SEL1L3: variants seen among roughly 807,000 people sequenced by gnomAD.
SEL1L3 encodes protein sel-1 homolog 3.
In SEL1L3, 76 loss-of-function variants were observed where a neutral mutation model predicts 142.8. The observed-to-expected ratio is 0.53, with a 90% CI of 0.44 to 0.64. The LOEUF is 0.64. Ranked by LOEUF, SEL1L3 falls within the 30% of genes least tolerant of loss-of-function variation. The pLI is 0.00. For missense variants in SEL1L3, 1,262 were observed against 1,381.7 expected, an observed-to-expected ratio of 0.91 and a Z score of 1.37; for synonymous variants, 504 against 519.6, an observed-to-expected ratio of 0.97 and a Z score of 0.41.
intron 9 of SEL1L3, among the ~76,000 whole-genome samples, chr4:25,811,225 G>GA (rs1342513544): frequency 6.6e-6 from 1 of 152,204 alleles, no homozygotes; most frequent in African/African-American, 2.4e-5. Context: ...ATGAAAGCAA[G>GA]AACTATGACG....
chr4:25,795,656 T>C (rs1712685041), intron 11 of SEL1L3, among the ~76,000 whole-genome samples: 1 of 152,108 alleles, frequency 6.6e-6, no homozygotes, highest in Admixed American at 6.5e-5. Flanking sequence ...ACCCAGGACC[T>C]GGACCCAGGC....
At position 25,782,248 on chromosome 4, in the gene SEL1L3, C is replaced by G. The variant is rs1425698073; in HGVS notation, c.2451G>C (p.Arg817Ser). 1.9e-6 allele frequency: 3 copies of G among 1,613,244 alleles called. No individual in the cohort carries two copies. The Admixed American group carries it at 5.0e-5, about 27-fold the overall frequency. The change falls in exon 15 of 24, where the codon AGG (arginine) becomes AGC (serine). Residue 817 changes from arginine (R) to serine (S), a missense_variant. By Grantham distance (110) the Arg-to-Ser change is moderately radical (BLOSUM62 -1). Transcript: ENST00000399878. ...LDGIFPGVPG[R>S]NQTLAGEYFH... Reference sequence around the variant, plus strand: ...GGTCTCAAGTCCTACTCACTTGATTCCTTCCAGGAACTCCAGGGAAGATGC... The same window carrying G: ...GGTCTCAAGTCCTACTCACTTGATTGCTTCCAGGAACTCCAGGGAAGATGC...
intron 23 of SEL1L3, among the ~76,000 whole-genome samples, chr4:25,754,295 T>C (rs1324761472): frequency 1.3e-5 from 2 of 150,638 alleles, no homozygotes; most frequent in African/African-American, 4.9e-5. Flanking sequence ...AGAGCGAAAG[T>C]CAATCTCAAA....
At chr4:25,810,170 A>G (rs1319918767) in intron 9 of SEL1L3, among the ~76,000 whole-genome samples, 1 of 152,140 alleles carries the variant, frequency 6.6e-6, no homozygotes, top group African/African-American at 2.4e-5. Context: ...ACAGGCACCA[A>G]CTCCCTTGGT....
chr4:25,805,913 TGTTAA>T (rs979899812), intron 9 of SEL1L3, among the ~76,000 whole-genome samples: 9 of 152,358 alleles, frequency 5.9e-5, no homozygotes, highest in African/African-American at 2.2e-4. Flanking sequence ...TTGATGTAAA[TGTTAA>T]GTTAAATGTC....
At chr4:25,784,739 T>C (rs1325678749) in intron 13 of SEL1L3, among the ~76,000 whole-genome samples, 1 of 152,232 alleles carries the variant, frequency 6.6e-6, no homozygotes, top group Admixed American at 6.5e-5. Context: ...GGTGGAACAT[T>C]GTTGCTTCAG....
chr4:25,761,534 T>C (rs1015878804), intron 20 of SEL1L3, among the ~76,000 whole-genome samples: 1 of 152,172 alleles, frequency 6.6e-6, no homozygotes, highest in African/African-American at 2.4e-5. Context: ...AGTAGGGGAA[T>C]AGTCGTATGC....
Position 25,788,435 on chromosome 4 carries a change from G to GGA in SEL1L3, c.2077-73_2077-72dup, listed in dbSNP as rs1233335767. 1 of 1,513,254 alleles carries GGA rather than the reference G, an allele frequency of 6.6e-7. No homozygotes were observed. The highest frequency in any genetic ancestry group is 1.4e-5 in the African/African-American group (1 of 72,702). 93.7% of individuals were successfully genotyped at this position (1,513,254 alleles called of 1,614,324 possible). ...GCTTAACACAAGATTTTGAAAGGTGGGAGAGCAAACCTACTTTACGATGTT... is the reference window on the plus strand; with the variant it reads ...GCTTAACACAAGATTTTGAAAGGTGGGAGAGAGCAAACCTACTTTACGATGTT... On this transcript the variant is annotated intron_variant, in intron 12 of 23. Transcript: ENST00000399878. The surrounding 1 kb of genome is among the most constrained non-coding windows in gnomAD (Gnocchi z 5.3).
the SEL1L3 span, among the ~76,000 whole-genome samples, chr4:25,722,341 G>T: frequency 6.6e-6 from 1 of 152,106 alleles, no homozygotes; most frequent in Non-Finnish European, 1.5e-5. Flanking sequence ...AGGCAGAAAA[G>T]GGGAGAGTAA....
the SEL1L3 span, among the ~76,000 whole-genome samples, chr4:25,737,410 T>A: frequency 6.6e-6 from 1 of 152,228 alleles, no homozygotes; most frequent in African/African-American, 2.4e-5. Context: ...GTGGCTGCCA[T>A]CTTGCTGTGT....
At chr4:25,746,155 A>T (rs898054231), downstream of SEL1L3, among the ~76,000 whole-genome samples, 33 of 152,190 alleles carry the variant, frequency 2.2e-4, no homozygotes, top group African/African-American at 7.0e-4. Context: ...TGTCCTCATG[A>T]TAGTGAGCTC....
At chr4:25,742,577 T>C (rs1213667758), downstream of SEL1L3, among the ~76,000 whole-genome samples, 1 of 152,204 alleles carries the variant, frequency 6.6e-6, no homozygotes, top group Non-Finnish European at 1.5e-5. Context: ...ATGATAGGCG[T>C]GAGCCACCGC....
chr4:25,810,938 A>T (rs1330792360), intron 9 of SEL1L3, among the ~76,000 whole-genome samples: 1 of 152,224 alleles, frequency 6.6e-6, no homozygotes, highest in Non-Finnish European at 1.5e-5. Flanking sequence ...GGGTCCTGTT[A>T]TACATCAGAG....
intron 2 of SEL1L3, 84 bp downstream of exon 2, chr4:25,847,210 G>C: frequency 2.6e-6 from 3 of 1,160,948 alleles, no homozygotes; most frequent in Non-Finnish European, 3.7e-6. Context: ...TTCGCTAATA[G>C]AAGAATTTTC....
chr4:25,718,593 C>A, the SEL1L3 span: 1 of 152,070 alleles, frequency 6.6e-6, no homozygotes, highest in Non-Finnish European at 1.5e-5. Context: ...GTAGCCAATA[C>A]GTGATTTTCG....
In SEL1L3 at chr4:25,835,385, C is replaced by T. The variant is rs1715753751; in HGVS notation, c.734-62G>A. Reference sequence around the variant, plus strand: ...CAGAAAAACATTCCTTCCCAAACCACATTCATCCTGAAAGCCTCTGCTGAG... The same window carrying T: ...CAGAAAAACATTCCTTCCCAAACCATATTCATCCTGAAAGCCTCTGCTGAG... On this transcript the variant is annotated intron_variant, in intron 2 of 23. Transcript: ENST00000399878. The T allele has an allele frequency of 3.2e-6, 5 of 1,581,106 alleles. No individual in the cohort carries two copies. The East Asian group carries it at 6.7e-5, about 21-fold the overall frequency.
intron 2 of SEL1L3, among the ~76,000 whole-genome samples, chr4:25,841,960 A>G (rs574428829): frequency 4.6e-4 from 70 of 152,230 alleles, no homozygotes; most frequent in African/African-American, 1.7e-3. Context: ...ACCCTGTCTC[A>G]AAAAAATTAG....
chr4:25,722,381 C>T, the SEL1L3 span, among the ~76,000 whole-genome samples: 1 of 152,120 alleles, frequency 6.6e-6, no homozygotes, highest in African/African-American at 2.4e-5. Context: ...GAGTCTTAAT[C>T]ATCCTTATGT....
intron 11 of SEL1L3, among the ~76,000 whole-genome samples, chr4:25,793,994 C>G (rs182027703): frequency 6.6e-6 from 1 of 152,066 alleles, no homozygotes; most frequent in East Asian, 1.9e-4. Flanking sequence ...GAAATTGGAC[C>G]CCTTCCTTAT....
Sources: gnomAD v4.1 joint callset for allele counts (sites outside exome capture counted in the v4.1 genomes callset) on GRCh38, gnomAD v4.1.1 for gene constraint, Gnocchi (gnomAD v3.1) non-coding constraint, MANE v1.5 for transcripts, NCBI Gene and HGNC (gene_info 2026-07-23, HGNC 2026-07-21) for gene names.